Variants in IQSEC1 observed in about 807,000 individuals in gnomAD.
The protein encoded by IQSEC1 is IQ motif and Sec7 domain ArfGEF 1, also known as IQ motif and SEC7 domain-containing protein 1.
IQSEC1 carries 31 observed loss-of-function variants against 91.0 expected under a neutral mutation model. The observed-to-expected ratio is 0.34, with a 90% CI of 0.26 to 0.46. The LOEUF is 0.46. Ranked by LOEUF, IQSEC1 falls within the 20% of genes least tolerant of loss-of-function variation. IQSEC1 has a pLI of 1.00. For synonymous variants in IQSEC1, 699 were observed against 662.6 expected, an observed-to-expected ratio of 1.05 and a Z score of -0.84; for missense variants, 1,388 against 1,575.6, an observed-to-expected ratio of 0.88 and a Z score of 2.02.
chr3:13,249,746 G>A (rs1178206699), intron 1 of IQSEC1, among the ~76,000 whole-genome samples: 4 of 152,170 alleles, frequency 2.6e-5, no homozygotes, highest in Non-Finnish European at 4.4e-5. Flanking sequence ...AAGGTGAGAT[G>A]GATGGGCACA....
Position 12,945,897 on chromosome 3 carries a change from C to T in IQSEC1, c.24-4032G>A, listed in dbSNP as rs1028624396. On this transcript the variant is annotated intron_variant, in intron 1 of 13. Transcript: ENST00000613206. ...AGTATAAATCAGGACAGGAAGTTAT[C>T]GAACTTAAATGATGTGGACGCTTGA... Among the ~76,000 whole-genome samples, 17 of 152,318 alleles carry T rather than the reference C, an allele frequency of 1.1e-4. No individual in the cohort carries two copies. The East Asian group carries it at 1.2e-3, about 10-fold the overall frequency.
intron 2 of IQSEC1, among the ~76,000 whole-genome samples, chr3:13,162,693 T>C (rs1707199068): frequency 6.6e-6 from 1 of 152,186 alleles, no homozygotes; most frequent in Non-Finnish European, 1.5e-5. Flanking sequence ...AGATGTGTAC[T>C]CTCACACCCT....
intron 2 of IQSEC1, among the ~76,000 whole-genome samples, chr3:13,115,327 T>G (rs1706317055): frequency 6.6e-6 from 1 of 152,086 alleles, no homozygotes; most frequent in East Asian, 1.9e-4. Flanking sequence ...GGCCAGGTGC[T>G]CTGAGGAGCT....
rs1485996235 is a variant in IQSEC1, at chr3:12,901,089, G to A, written c.3239C>T (p.Pro1080Leu). The change falls in exon 14 of 14, where the codon CCC (proline) becomes CTC (leucine). Residue 1080 changes from proline (P) to leucine (L), a missense_variant. Coordinates refer to ENST00000613206, the MANE Select transcript of IQSEC1 (RefSeq NM_001134382.3). ...CACTGTGTGCCCCACGTGGGCCGAG[G>A]GCAGCGGCGGGTGGCCGTGGGCATG... The part of the protein sequence containing the change: ...GAHAHGHPPL[P>L]SAHVGHTVHH... 1.3e-6 allele frequency: 2 copies of A among 1,540,068 alleles called. No homozygotes were observed. The highest frequency in any genetic ancestry group is 1.7e-6 in the Non-Finnish European group (2 of 1,145,048).
intron 1 of IQSEC1, among the ~76,000 whole-genome samples, chr3:13,186,853 A>G (rs1693942564): frequency 1.3e-5 from 2 of 152,000 alleles, no homozygotes; most frequent in African/African-American, 2.4e-5. Flanking sequence ...CTGCCCAGAA[A>G]CCCCAGAGGA....
chr3:13,260,296 A>C (rs531604060), intron 1 of IQSEC1, among the ~76,000 whole-genome samples: 1 of 152,304 alleles, frequency 6.6e-6, no homozygotes, highest in South Asian at 2.1e-4. Context: ...CCAACCAGAA[A>C]GGTATGGGGT....
At position 12,995,319 on chromosome 3, in the gene IQSEC1, CAGA is replaced by C. The variant is rs376906027; in HGVS notation, c.24-53457_24-53455del. Among the ~76,000 whole-genome samples, 28 of 152,336 alleles carry C rather than the reference CAGA, an allele frequency of 1.8e-4. No homozygotes were observed. In the East Asian group the frequency reaches 4.1e-3, roughly 22 times the overall value. On this transcript the variant is annotated intron_variant, in intron 1 of 13. Transcript: ENST00000613206. ...CCTCTGGACTTCTGGGAGGAAAGGACAGAAGGAGGGACCCTGATTTTTACCTCT... is the reference window on the plus strand; with the variant it reads ...CCTCTGGACTTCTGGGAGGAAAGGACAGGAGGGACCCTGATTTTTACCTCT...
At chr3:13,163,092 C>T (rs563836027) in intron 2 of IQSEC1, among the ~76,000 whole-genome samples, 6 of 152,194 alleles carry the variant, frequency 3.9e-5, no homozygotes, top group Admixed American at 1.3e-4. Context: ...CCCTGGAGCC[C>T]AACTCCCTGC....
chr3:12,944,598 G>A (rs1316186013), intron 1 of IQSEC1, among the ~76,000 whole-genome samples: 2 of 152,110 alleles, frequency 1.3e-5, no homozygotes, highest in African/African-American at 2.4e-5. Context: ...CATCACACAC[G>A]CCCGGGACTG....
chr3:13,175,652 G>A (rs934393728), intron 1 of IQSEC1, among the ~76,000 whole-genome samples: 1 of 152,216 alleles, frequency 6.6e-6, no homozygotes, highest in South Asian at 2.1e-4. Flanking sequence ...AATGCCATAC[G>A]CTGGCTGGCT....
chr3:12,991,143 G>T (rs189281199), intron 1 of IQSEC1, among the ~76,000 whole-genome samples: 1 of 152,272 alleles, frequency 6.6e-6, no homozygotes, highest in East Asian at 1.9e-4. Flanking sequence ...CCCTACCTGC[G>T]CCCTGCTTTG....
rs1164850755 is a variant in IQSEC1 at position 12,992,836 on chromosome 3, G to A, written c.24-50971C>T. ...ATCAGCTGTGACAGTTGAGAGCTTG[G>A]CAATTTAAAGTGACAACTGCCTGGC... On this transcript the variant is annotated intron_variant, in intron 1 of 13. Coordinates refer to ENST00000613206, the MANE Select transcript of IQSEC1 (RefSeq NM_001134382.3). This position sits in a 1 kb window ranked among gnomAD's most constrained non-coding sequence, Gnocchi z 4.1. Among the ~76,000 whole-genome samples the A allele has an allele frequency of 6.6e-6, 1 of 152,214 alleles. No individual in the cohort carries two copies. Among genetic ancestry groups the A allele is most frequent in the Non-Finnish European group, 1.5e-5 (1 of 68,042 alleles).
chr3:12,926,780 G>A (rs1281282316), intron 3 of IQSEC1, among the ~76,000 whole-genome samples: 2 of 152,200 alleles, frequency 1.3e-5, no homozygotes, highest in Non-Finnish European at 2.9e-5. Flanking sequence ...TGCAGACACC[G>A]CATTTCCATG....
At chr3:13,126,338 CT>C (rs1165360505) in intron 2 of IQSEC1, among the ~76,000 whole-genome samples, 1 of 152,228 alleles carries the variant, frequency 6.6e-6, no homozygotes, top group Non-Finnish European at 1.5e-5. Flanking sequence ...ATCAAAGTTG[CT>C]GCGCATATCA....
chr3:13,152,654 T>G (rs1050788194), intron 2 of IQSEC1, among the ~76,000 whole-genome samples: 1 of 152,212 alleles, frequency 6.6e-6, no homozygotes, highest in African/African-American at 2.4e-5. Context: ...GCGGATCACC[T>G]GAGGTCCGGA....
chr3:13,137,565 T>C (rs1310273076), intron 2 of IQSEC1, among the ~76,000 whole-genome samples: 4 of 152,214 alleles, frequency 2.6e-5, no homozygotes, highest in Non-Finnish European at 5.9e-5. Context: ...ATCTCTGGGG[T>C]AGAAGAAGTC....
At position 12,994,258 on chromosome 3, in the gene IQSEC1, C is replaced by G. The variant is rs1453610897; in HGVS notation, c.24-52393G>C. Among the ~76,000 whole-genome samples, 1 of 150,946 alleles carries G rather than the reference C, an allele frequency of 6.6e-6. No individual in the cohort carries two copies. Among genetic ancestry groups the G allele is most frequent in the Non-Finnish European group, 1.5e-5 (1 of 67,592 alleles). On this transcript the variant is annotated intron_variant, in intron 1 of 13. Transcript: ENST00000613206. This position sits in a 1 kb window ranked among gnomAD's most constrained non-coding sequence, Gnocchi z 4.5. Reference sequence around the variant, plus strand: ...GCCTCCCCGCGCGCCGCCCTCCTGCCCGCCCCACCGCCCGTGCGCCGTGAC... The same window carrying G: ...GCCTCCCCGCGCGCCGCCCTCCTGCGCGCCCCACCGCCCGTGCGCCGTGAC...
chr3:13,135,864 G>A (rs1262881451), intron 2 of IQSEC1, among the ~76,000 whole-genome samples: 5 of 152,216 alleles, frequency 3.3e-5, no homozygotes, highest in African/African-American at 4.8e-5. Context: ...AGCCCCAGGA[G>A]CCAGGTCTCC....
chr3:13,069,549 C>T (rs930681512), intron 1 of IQSEC1, among the ~76,000 whole-genome samples: 3 of 152,180 alleles, frequency 2.0e-5, no homozygotes, highest in Non-Finnish European at 2.9e-5. Flanking sequence ...CCTGCGGGGG[C>T]CGGCAGGTCA....
Sources: allele counts gnomAD v4.1 joint callset (sites outside exome capture counted in the v4.1 genomes callset), GRCh38; gene constraint gnomAD v4.1.1; non-coding constraint Gnocchi (gnomAD v3.1); transcripts MANE v1.5; gene names NCBI Gene and HGNC (gene_info 2026-07-23, HGNC 2026-07-21).